SEMA6D: variants seen among roughly 807,000 people sequenced by gnomAD.
SEMA6D encodes the protein semaphorin-6D.
In SEMA6D, 35 loss-of-function variants were observed where a neutral mutation model predicts 106.6. That is an observed-to-expected ratio of 0.33 (90% CI 0.25 to 0.44). SEMA6D has a LOEUF of 0.44. Among genes scored for constraint, SEMA6D ranks in the 20% least tolerant of loss-of-function variants. The pLI is 1.00. For synonymous variants in SEMA6D, 499 were observed against 487.7 expected, an observed-to-expected ratio of 1.02 and a Z score of -0.31; for missense variants, 1,185 against 1,345.9, an observed-to-expected ratio of 0.88 and a Z score of 1.87.
chr15:47,207,460 C>A (rs575181660), intron 1 of SEMA6D, among the ~76,000 whole-genome samples: 1 of 152,086 alleles, frequency 6.6e-6, no homozygotes, highest in African/African-American at 2.4e-5. Flanking sequence ...ATTTTATTAC[C>A]CTTTTCCAAT....
At chr15:47,291,837 C>G (rs925831763) in intron 1 of SEMA6D, among the ~76,000 whole-genome samples, 1 of 152,174 alleles carries the variant, frequency 6.6e-6, no homozygotes, top group Non-Finnish European at 1.5e-5. Context: ...TAATCTATAT[C>G]TGTCTTTAGC....
intron 1 of SEMA6D, among the ~76,000 whole-genome samples, chr15:47,205,282 T>C (rs1894981364): frequency 6.6e-6 from 1 of 152,144 alleles, no homozygotes; most frequent in Non-Finnish European, 1.5e-5. Context: ...ATTTTGAAAA[T>C]TTGATGTGAT....
At chr15:47,378,353 A>G (rs1421599100) in intron 1 of SEMA6D, among the ~76,000 whole-genome samples, 1 of 152,168 alleles carries the variant, frequency 6.6e-6, no homozygotes, top group Non-Finnish European at 1.5e-5. Context: ...AAAATTAGCC[A>G]GGCGTGGTGG....
chr15:47,387,192 A>G (rs2039869739), intron 1 of SEMA6D, among the ~76,000 whole-genome samples: 1 of 152,226 alleles, frequency 6.6e-6, no homozygotes, highest in Non-Finnish European at 1.5e-5. Context: ...AGTAAATTCC[A>G]AAGCATATCC....
At chr15:47,279,613 A>G (rs2035010197) in intron 1 of SEMA6D, among the ~76,000 whole-genome samples, 1 of 151,060 alleles carries the variant, frequency 6.6e-6, no homozygotes, top group South Asian at 2.1e-4. Flanking sequence ...CCAGTTTTCA[A>G]AGGGAATGCT....
At chr15:47,633,186 T>A (rs1276087639) in intron 4 of SEMA6D, among the ~76,000 whole-genome samples, 1 of 152,148 alleles carries the variant, frequency 6.6e-6, no homozygotes, top group Admixed American at 6.5e-5. Flanking sequence ...TTGATTATAG[T>A]TATTCTTATG....
Position 47,627,547 on chromosome 15 carries a change from G to A in SEMA6D, c.-55+26651G>A, listed in dbSNP as rs942730439. 5.9e-5 allele frequency among the ~76,000 whole-genome samples: 9 copies of A among 152,166 alleles called. No individual in the cohort carries two copies. The East Asian group carries it at 7.7e-4, about 13-fold the overall frequency. ...ATGGTGAGAATTTATGCTATAGTACGTGAAAAGCATTTAGCTAAGTGCTAA... is the reference window on the plus strand; with the variant it reads ...ATGGTGAGAATTTATGCTATAGTACATGAAAAGCATTTAGCTAAGTGCTAA... On this transcript the variant is annotated intron_variant, in intron 4 of 19. Coordinates refer to the SEMA6D transcript ENST00000558014.
chr15:47,753,951 T>G (rs2081581716), intron 1 of SEMA6D, among the ~76,000 whole-genome samples: 1 of 152,184 alleles, frequency 6.6e-6, no homozygotes, highest in Admixed American at 6.6e-5. Flanking sequence ...CTCTGGGTTC[T>G]TTGGGCTAGC....
chr15:47,486,727 A>G (rs1370553331), intron 3 of SEMA6D, among the ~76,000 whole-genome samples: 1 of 152,196 alleles, frequency 6.6e-6, no homozygotes, highest in Non-Finnish European at 1.5e-5. Context: ...GAGTACGTAC[A>G]TTTTTATAGG....
chr15:47,586,358 G>T (rs1229520281), intron 3 of SEMA6D, among the ~76,000 whole-genome samples: 2 of 152,204 alleles, frequency 1.3e-5, no homozygotes, highest in Admixed American at 1.3e-4. Flanking sequence ...GGATGCCAGG[G>T]AAAATGCCAA....
intron 4 of SEMA6D, among the ~76,000 whole-genome samples, chr15:47,686,436 T>C (rs1166086969): frequency 2.0e-5 from 3 of 152,206 alleles, no homozygotes; most frequent in East Asian, 1.9e-4. Flanking sequence ...AAAATATATA[T>C]GATTACATGG....
chr15:47,394,025 C>G (rs1663123818), intron 1 of SEMA6D, among the ~76,000 whole-genome samples: 1 of 152,178 alleles, frequency 6.6e-6, no homozygotes, highest in African/African-American at 2.4e-5. Context: ...TTGGACCCCA[C>G]TCTCCCTGGT....
chr15:47,454,997 G>C (rs1236262055), intron 2 of SEMA6D, among the ~76,000 whole-genome samples: 1 of 151,856 alleles, frequency 6.6e-6, no homozygotes, highest in African/African-American at 2.4e-5. Flanking sequence ...TACATCAAGG[G>C]AGTGGTAGGA....
intron 13 of SEMA6D, 46 bp from the exon 14 acceptor site, chr15:47,765,823 C>A: frequency 6.9e-7 from 1 of 1,453,234 alleles, no homozygotes; most frequent in East Asian, 2.4e-5. Flanking sequence ...GCAAACCACA[C>A]TTGACTGACT....
chr15:47,640,657 C>T (rs2077472324), intron 4 of SEMA6D, among the ~76,000 whole-genome samples: 1 of 152,126 alleles, frequency 6.6e-6, no homozygotes, highest in African/African-American at 2.4e-5. Flanking sequence ...GGAGGTATTG[C>T]TTTCTCTCTT....
intron 3 of SEMA6D, among the ~76,000 whole-genome samples, chr15:47,516,363 C>CT (rs1739024803): frequency 6.6e-6 from 1 of 152,134 alleles, no homozygotes; most frequent in African/African-American, 2.4e-5. Context: ...TGAATTCTGT[C>CT]TATTTGCTCC....
chr15:47,648,930 A>C (rs975509645), intron 4 of SEMA6D, among the ~76,000 whole-genome samples: 5 of 152,234 alleles, frequency 3.3e-5, no homozygotes, highest in Non-Finnish European at 5.9e-5. Context: ...TGCAGTTTCC[A>C]AGAAAATATT....
At chr15:47,580,289 C>G (rs1396798402) in intron 3 of SEMA6D, among the ~76,000 whole-genome samples, 1 of 152,124 alleles carries the variant, frequency 6.6e-6, no homozygotes, top group Non-Finnish European at 1.5e-5. Context: ...ACACTATGCT[C>G]CATGTAGGGT....
At chr15:47,678,820 C>G (rs964087238) in intron 4 of SEMA6D, among the ~76,000 whole-genome samples, 1 of 151,838 alleles carries the variant, frequency 6.6e-6, no homozygotes, top group Admixed American at 6.6e-5. Flanking sequence ...GTATTTGTAT[C>G]ATATTTTATT....
Sources: gnomAD v4.1 joint callset for allele counts (sites outside exome capture counted in the v4.1 genomes callset) on GRCh38, gnomAD v4.1.1 for gene constraint, MANE v1.5 for transcripts, NCBI Gene and HGNC (gene_info 2026-07-23, HGNC 2026-07-21) for gene names.